The following PTPRN2 variants were observed in gnomAD, a reference collection of about 807,000 sequenced individuals.
The protein encoded by PTPRN2 is protein tyrosine phosphatase receptor type N2.
Under a neutral mutation model 118.8 loss-of-function variants are expected in PTPRN2, and 74 were observed. That is an observed-to-expected ratio of 0.62 (90% confidence interval 0.52 to 0.76). The LOEUF is 0.76. Ranked by LOEUF, PTPRN2 falls within the 30% of genes least tolerant of loss-of-function variation. PTPRN2 has a pLI of 0.00. For missense variants in PTPRN2, 1,481 were observed against 1,394.4 expected (o/e 1.06, Z -0.99); for synonymous variants, 641 against 608.0 (o/e 1.05, Z -0.80).
chr7:158,274,156 AGG>A (rs1798769737), intron 3 of PTPRN2, among the ~76,000 whole-genome samples: 1 of 111,132 alleles, frequency 9.0e-6, no homozygotes, highest in Non-Finnish European at 1.8e-5. Flanking sequence ...CCGCAGACAC[AGG>A]GGGAGCCGCA....
Position 158,026,339 on chromosome 7 carries a change from GGGCTC to G in PTPRN2, c.1723+54954_1723+54958del, listed in dbSNP as rs552214518. ...AGGAGATGGTCTGATCTGGTGGGCTGGGCTCGCTGGGGGGGACCATAATAACGCAA... is the reference window on the plus strand; with the variant it reads ...AGGAGATGGTCTGATCTGGTGGGCTGGCTGGGGGGGACCATAATAACGCAA... On this transcript the variant is annotated intron_variant, in intron 11 of 22. Coordinates refer to ENST00000389418, the MANE Select transcript of PTPRN2 (RefSeq NM_002847.5). 7.4e-4 allele frequency among the ~76,000 whole-genome samples: 112 copies of G among 152,296 alleles called. 1 individual carries two copies. The South Asian group carries it at 9.3e-3, about 13-fold the overall frequency.
Position 157,674,373 on chromosome 7 carries a change from C to T in PTPRN2, c.2001+8352G>A, listed in dbSNP as rs910682306. On this transcript the variant is annotated intron_variant, in intron 13 of 22. Coordinates refer to ENST00000389418, the MANE Select transcript of PTPRN2 (RefSeq NM_002847.5). This position sits in a 1 kb window ranked among gnomAD's most constrained non-coding sequence, Gnocchi z 4.5. ...CCTTATCCACGTCCTCGAAGTGATCCCCGTTTGACATTTGGAAATGACTTT... is the reference window on the plus strand; with the variant it reads ...CCTTATCCACGTCCTCGAAGTGATCTCCGTTTGACATTTGGAAATGACTTT... Among the ~76,000 whole-genome samples, 2 of 152,172 alleles carry T rather than the reference C, an allele frequency of 1.3e-5. No homozygotes were observed. The highest frequency in any genetic ancestry group is 4.8e-5 in the African/African-American group (2 of 41,456).
rs1010722908 is a variant in PTPRN2 at position 157,779,825 on chromosome 7, C to G, written c.1789-96888G>C. 2.6e-5 allele frequency among the ~76,000 whole-genome samples: 4 copies of G among 152,174 alleles called. No homozygotes were observed. Among genetic ancestry groups the G allele is most frequent in the African/African-American group, 9.7e-5 (4 of 41,442 alleles). ...AGGAAGAGTGCTGGGTGATTTCATT[C>G]TCCCTGGTTGCTGAAAATGAGCAGT... On this transcript the variant is annotated intron_variant, in intron 12 of 22. Coordinates refer to ENST00000389418, the MANE Select transcript of PTPRN2 (RefSeq NM_002847.5). The surrounding 1 kb of genome is among the most constrained non-coding windows in gnomAD (Gnocchi z 4.7).
intron 4 of PTPRN2, among the ~76,000 whole-genome samples, chr7:158,193,023 C>A (rs1202572248): frequency 6.6e-6 from 1 of 152,248 alleles, no homozygotes; most frequent in Admixed American, 6.5e-5. Flanking sequence ...TCGCCACAGC[C>A]TCGGGACGTC....
chr7:158,449,775 T>C (rs1817976833), intron 2 of PTPRN2, among the ~76,000 whole-genome samples: 1 of 152,214 alleles, frequency 6.6e-6, no homozygotes, highest in Admixed American at 6.5e-5. Flanking sequence ...TGGTGACCCT[T>C]AGTTCATTCA....
chr7:157,762,114 G>A (rs988945899), intron 12 of PTPRN2, among the ~76,000 whole-genome samples: 1 of 151,948 alleles, frequency 6.6e-6, no homozygotes, highest in African/African-American at 2.4e-5. Context: ...GAGAGGGTGT[G>A]GAGAAATAGG....
At position 158,002,004 on chromosome 7, in the gene PTPRN2, G is replaced by T. The variant is rs746212693; in HGVS notation, c.1723+79294C>A. ...CGTTGTTTCAGTGGAGACGATGGCC[G>T]CCAGCTTCAGATTCAGAAATGGCAC... On this transcript the variant is annotated intron_variant, in intron 11 of 22. Transcript: ENST00000389418. 1.3e-5 allele frequency among the ~76,000 whole-genome samples: 2 copies of T among 152,190 alleles called. 1 individual carries two copies. The highest frequency in any genetic ancestry group is 4.1e-4 in the South Asian group (2 of 4,836).
chr7:158,257,915 C>T (rs1797139023), intron 3 of PTPRN2, among the ~76,000 whole-genome samples: 1 of 152,218 alleles, frequency 6.6e-6, no homozygotes, highest in South Asian at 2.1e-4. Context: ...GACAGCAGCT[C>T]TTCCTCTGAG....
intron 12 of PTPRN2, among the ~76,000 whole-genome samples, chr7:157,696,345 A>G (rs1797775035): frequency 8.1e-6 from 1 of 123,162 alleles, no homozygotes; most frequent in African/African-American, 3.3e-5. Context: ...AGCCCTCACC[A>G]TCTACTCATG....
chr7:158,408,189 A>C (rs1308242234), intron 2 of PTPRN2, among the ~76,000 whole-genome samples: 3 of 152,272 alleles, frequency 2.0e-5, no homozygotes, highest in Admixed American at 2.0e-4. Flanking sequence ...TGAAACACAC[A>C]TGATCAAATG....
Position 157,690,521 on chromosome 7 carries a change from C to G in PTPRN2, c.1789-7584G>C, listed in dbSNP as rs1172688946. Among the ~76,000 whole-genome samples, 2 of 152,034 alleles carry G rather than the reference C, an allele frequency of 1.3e-5. No homozygotes were observed. Among genetic ancestry groups the G allele is most frequent in the Admixed American group, 6.5e-5 (1 of 15,282 alleles). On this transcript the variant is annotated intron_variant, in intron 12 of 22. Coordinates refer to ENST00000389418, the MANE Select transcript of PTPRN2 (RefSeq NM_002847.5). The surrounding 1 kb of genome is among the most constrained non-coding windows in gnomAD (Gnocchi z 7.1). Reference sequence around the variant, plus strand: ...AGGGCCCACCCAACCGCACTACGAGCGCCCGCGCCCCGCCCGGCACCCCTG... The same window carrying G: ...AGGGCCCACCCAACCGCACTACGAGGGCCCGCGCCCCGCCCGGCACCCCTG...
intron 11 of PTPRN2, among the ~76,000 whole-genome samples, chr7:158,071,007 G>A (rs1196847805): frequency 9.6e-5 from 11 of 114,632 alleles, no homozygotes; most frequent in African/African-American, 2.0e-4. Flanking sequence ...GCTCATGGTG[G>A]TGGAGGTGCT....
chr7:157,652,615 A>G (rs906624223), intron 14 of PTPRN2, among the ~76,000 whole-genome samples: 2 of 151,880 alleles, frequency 1.3e-5, no homozygotes, highest in African/African-American at 4.8e-5. Context: ...GGTCCCTGAG[A>G]CGTGTGCTCT....
intron 22 of PTPRN2, among the ~76,000 whole-genome samples, chr7:157,544,160 TGGAGAGAGAC>T (rs1339121059): frequency 7.2e-6 from 1 of 139,654 alleles, no homozygotes; most frequent in African/African-American, 2.8e-5. Flanking sequence ...CGGAGAGAGG[TGGAGAGAGAC>T]GGAGAGAGGT....
intron 6 of PTPRN2, among the ~76,000 whole-genome samples, chr7:158,161,657 T>A (rs1426088444): frequency 6.6e-6 from 1 of 152,184 alleles, no homozygotes; most frequent in Non-Finnish European, 1.5e-5. Flanking sequence ...AAACTCTGGA[T>A]GACCTTGGGT....
At chr7:158,200,911 T>C (rs6963290) in intron 4 of PTPRN2, among the ~76,000 whole-genome samples, 71,930 of 152,082 alleles carry the variant, frequency 0.47, 18,185 homozygotes, top group African/African-American at 0.67. Context: ...AAATTATTTA[T>C]GTGATTTCAT....
intron 12 of PTPRN2, among the ~76,000 whole-genome samples, chr7:157,843,711 A>T (rs1808595381): frequency 6.6e-6 from 1 of 152,238 alleles, no homozygotes. Context: ...CTTTCTTTCC[A>T]GCGTGCCACA....
At chr7:158,349,962 C>A (rs148199621) in intron 2 of PTPRN2, among the ~76,000 whole-genome samples, 1 of 152,152 alleles carries the variant, frequency 6.6e-6, no homozygotes, top group African/African-American at 2.4e-5. Context: ...GCGTTACTAG[C>A]GCTCACGTGT....
intron 12 of PTPRN2, among the ~76,000 whole-genome samples, chr7:157,684,505 G>T (rs1797072808): frequency 2.0e-5 from 3 of 151,924 alleles, no homozygotes; most frequent in Admixed American, 2.0e-4. Flanking sequence ...GTTTGGTCCG[G>T]ACCCCGCAGC....
Sources: gnomAD v4.1 joint callset for allele counts (sites outside exome capture counted in the v4.1 genomes callset) on GRCh38, gnomAD v4.1.1 for gene constraint, Gnocchi (gnomAD v3.1) non-coding constraint, MANE v1.5 for transcripts, NCBI Gene and HGNC (gene_info 2026-07-23, HGNC 2026-07-21) for gene names.